NALCN: variants seen among roughly 807,000 people sequenced by gnomAD.
NALCN encodes sodium leak channel NALCN.
Under a neutral mutation model 225.3 loss-of-function variants are expected in NALCN, and 111 were observed. That is an observed-to-expected ratio of 0.49 (90% CI 0.42 to 0.58). The LOEUF (loss-of-function observed/expected upper bound fraction) is 0.58, where lower values mean the gene tolerates loss of function less well. Ranked by LOEUF, NALCN falls within the 20% of genes least tolerant of loss-of-function variation. The probability of loss-of-function intolerance (pLI) is 0.00; values close to 1 mark genes in which losing one functional copy is unlikely to be tolerated. For missense variants in NALCN, 1,378 were observed against 2,202.4 expected (o/e 0.63, Z 7.49); for synonymous variants, 764 against 769.0 (o/e 0.99, Z 0.11).
At chr13:101,158,352 T>C (rs2038004604) in intron 15 of NALCN, among the ~76,000 whole-genome samples, 1 of 152,224 alleles carries the variant, frequency 6.6e-6, no homozygotes, top group South Asian at 2.1e-4. Context: ...AATGAGCATG[T>C]CTTGGCTTGG....
intron 13 of NALCN, among the ~76,000 whole-genome samples, chr13:101,212,581 C>G (rs2040566139): frequency 6.6e-6 from 1 of 152,090 alleles, no homozygotes; most frequent in Non-Finnish European, 1.5e-5. Context: ...GAATGAAAAA[C>G]CAAGAACATG....
intron 7 of NALCN, among the ~76,000 whole-genome samples, chr13:101,319,301 C>T (rs945640030): frequency 4.6e-5 from 7 of 152,168 alleles, no homozygotes; most frequent in African/African-American, 7.2e-5. Context: ...CAGCCTCTCC[C>T]ACCTATTGTT....
In NALCN at chr13:101,413,766, A is replaced by G. The variant is rs114585187; in HGVS notation, c.-40+2547T>C. Among the ~76,000 whole-genome samples the G allele has an allele frequency of 6.9e-3, 1,053 of 152,338 alleles. 7 individuals carry two copies. Among genetic ancestry groups the G allele is most frequent in the African/African-American group, 0.024 (1,012 of 41,580 alleles). On this transcript the variant is annotated intron_variant, in intron 1 of 43. Transcript: ENST00000251127. ...TTCAAAAAATCAATTAAAAAAATTT[A>G]AGCATTTGCATAGAGTTTGAAGGTA... is the stretch of plus-strand genomic sequence containing the variant.
chr13:101,279,779 T>C (rs1164166308), intron 10 of NALCN, among the ~76,000 whole-genome samples: 1 of 149,400 alleles, frequency 6.7e-6, no homozygotes, highest in Non-Finnish European at 1.5e-5. Flanking sequence ...ATCCCGCCAC[T>C]GCACTCCAGC....
chr13:101,060,139 C>CTGA (rs1347920694), intron 41 of NALCN, among the ~76,000 whole-genome samples, 172 bp from the exon 42 acceptor site: 3 of 151,890 alleles, frequency 2.0e-5, no homozygotes, highest in African/African-American at 7.2e-5. Flanking sequence ...TTAAGGTAGG[C>CTGA]TGATGCAAAG....
chr13:101,374,978 AT>A (rs2046647730), intron 6 of NALCN, among the ~76,000 whole-genome samples: 1 of 152,264 alleles, frequency 6.6e-6, no homozygotes, highest in African/African-American at 2.4e-5. Flanking sequence ...AATGACCATT[AT>A]AAATGTGAAA....
At chr13:101,091,137 C>G (rs1333380971) in intron 28 of NALCN, among the ~76,000 whole-genome samples, 1 of 152,126 alleles carries the variant, frequency 6.6e-6, no homozygotes, top group African/African-American at 2.4e-5. Context: ...TTATTAGAGG[C>G]TAATTTTAAA....
chr13:101,077,284 A>G (rs1226250732), intron 34 of NALCN, among the ~76,000 whole-genome samples: 1 of 152,180 alleles, frequency 6.6e-6, no homozygotes, highest in Non-Finnish European at 1.5e-5. Flanking sequence ...TCGTACTTAG[A>G]GTGGGGGGCT....
chr13:101,263,488 C>T (rs531637903), intron 10 of NALCN, among the ~76,000 whole-genome samples: 2 of 152,234 alleles, frequency 1.3e-5, no homozygotes, highest in Admixed American at 6.5e-5. Context: ...GCAGAAAAGC[C>T]ACAACTTTCT....
intron 11 of NALCN, among the ~76,000 whole-genome samples, chr13:101,255,707 C>G (rs981207773): frequency 6.6e-6 from 1 of 152,150 alleles, no homozygotes; most frequent in East Asian, 1.9e-4. Context: ...GTCTCTCCTA[C>G]GTTAAATAAT....
chr13:101,135,612 T>G (rs1340728868), intron 17 of NALCN, among the ~76,000 whole-genome samples: 1 of 152,166 alleles, frequency 6.6e-6, no homozygotes, highest in East Asian at 1.9e-4. Context: ...CAGGATGGTC[T>G]CGAACTCCTG....
chr13:101,336,856 C>T (rs755776429), intron 7 of NALCN, among the ~76,000 whole-genome samples: 1 of 152,144 alleles, frequency 6.6e-6, no homozygotes, highest in African/African-American at 2.4e-5. Context: ...TGTAGCTATA[C>T]ATTACATATA....
chr13:101,065,255 C>A (rs1288247902), intron 40 of NALCN, 149 bp downstream of exon 40: 2 of 802,510 alleles, frequency 2.5e-6, no homozygotes, highest in Admixed American at 2.4e-5. Context: ...GGGCACTTAG[C>A]GCCTGGGACA....
At chr13:101,353,965 A>G (rs2045977369) in intron 6 of NALCN, among the ~76,000 whole-genome samples, 1 of 152,218 alleles carries the variant, frequency 6.6e-6, no homozygotes, top group Non-Finnish European at 1.5e-5. Context: ...AGTATGGATA[A>G]GGGACAGTGC....
intron 9 of NALCN, among the ~76,000 whole-genome samples, chr13:101,288,653 G>A (rs2043430864): frequency 6.6e-6 from 1 of 152,188 alleles, no homozygotes; most frequent in Admixed American, 6.5e-5. Flanking sequence ...CTCAATCAGA[G>A]ATAATAACAG....
intron 6 of NALCN, among the ~76,000 whole-genome samples, chr13:101,358,537 A>T (rs1380104205): frequency 2.0e-5 from 3 of 152,234 alleles, no homozygotes; most frequent in Non-Finnish European, 4.4e-5. Context: ...TTAAAAAGTC[A>T]AGAAACAATA....
chr13:101,150,642 T>C (rs1241478289), intron 15 of NALCN, among the ~76,000 whole-genome samples: 1 of 152,214 alleles, frequency 6.6e-6, no homozygotes, highest in Non-Finnish European at 1.5e-5. Context: ...TGTAATGAAA[T>C]GGTATTCTAC....
At chr13:101,056,418 C>T (rs1300218844) in intron 43 of NALCN, among the ~76,000 whole-genome samples, 3 of 151,654 alleles carry the variant, frequency 2.0e-5, no homozygotes, top group Admixed American at 6.6e-5. Flanking sequence ...ACACCACTAC[C>T]GGTCAGCTAA....
chr13:101,065,269 G>T, intron 40 of NALCN, 135 bp downstream of exon 40: 1 of 906,916 alleles, frequency 1.1e-6, no homozygotes, highest in Non-Finnish European at 1.7e-6. Flanking sequence ...TGGGACATGT[G>T]ACCCCACTTC....
Sources: gnomAD v4.1 joint callset for allele counts (sites outside exome capture counted in the v4.1 genomes callset) on GRCh38, gnomAD v4.1.1 for gene constraint, MANE v1.5 for transcripts, NCBI Gene and HGNC (gene_info 2026-07-23, HGNC 2026-07-21) for gene names.